HIBCH: variants seen among roughly 807,000 people sequenced by gnomAD.
HIBCH encodes 3-hydroxyisobutyryl-CoA hydrolase.
HIBCH carries 50 observed loss-of-function variants against 58.2 expected under a neutral mutation model. The observed-to-expected ratio is 0.86, with a 90% CI of 0.68 to 1.09. The LOEUF (loss-of-function observed/expected upper bound fraction) is 1.09, where lower values mean the gene tolerates loss of function less well. Ranked by LOEUF, HIBCH falls within the 50% of genes least tolerant of loss-of-function variation. HIBCH has a pLI of 0.00. For synonymous variants in HIBCH, 151 were observed against 146.9 expected (o/e 1.03, Z -0.20); for missense variants, 450 against 449.7 (o/e 1.00, Z -0.01).
At chr2:190,226,711 A>C (rs573363628) in intron 11 of HIBCH, among the ~76,000 whole-genome samples, 2 of 152,122 alleles carry the variant, frequency 1.3e-5, no homozygotes, top group Non-Finnish European at 2.9e-5. Context: ...CCTTAAGCTG[A>C]TAAGCAACTT....
At position 190,312,390 on chromosome 2, in the gene HIBCH, G is replaced by C. The variant is rs113722312; in HGVS notation, c.36-1594C>G. On this transcript the variant is annotated intron_variant, in intron 1 of 13. Coordinates refer to ENST00000359678, the MANE Select transcript of HIBCH (RefSeq NM_014362.4). ...AAGCTAAATTTAAGATCTATGGAAA[G>C]AGGTCAAAGCTAGAATCAGTAGCTG... Among the ~76,000 whole-genome samples, 1,309 of 152,352 alleles carry C rather than the reference G, an allele frequency of 8.6e-3. 8 individuals carry two copies. The highest frequency in any genetic ancestry group is 0.014 in the Non-Finnish European group (945 of 68,036).
rs1688363526 is a variant in HIBCH at position 190,304,906 on chromosome 2, C to G, written c.78+5848G>C. 6.6e-6 allele frequency among the ~76,000 whole-genome samples: 1 copy of G among 152,042 alleles called. No homozygotes were observed. The highest frequency in any genetic ancestry group is 2.1e-4 in the South Asian group (1 of 4,816). On this transcript the variant is annotated intron_variant, in intron 2 of 13. Transcript: ENST00000359678. The surrounding 1 kb of genome is among the most constrained non-coding windows in gnomAD (Gnocchi z 4.1). ...TATCCCTGTGCTGGAATTTATAAGA[C>G]ACAGTATGCTTTAGTAAAAAAAGTG...
chr2:190,280,937 C>T (rs1017358917), intron 6 of HIBCH: 10 of 152,336 alleles, frequency 6.6e-5, no homozygotes, highest in African/African-American at 2.4e-4. Context: ...TTGCCTTGGT[C>T]TCTCACTCTG....
chr2:190,300,111 G>T (rs150114732), intron 2 of HIBCH, among the ~76,000 whole-genome samples: 55 of 152,250 alleles, frequency 3.6e-4, no homozygotes, highest in Non-Finnish European at 5.0e-4. Context: ...CTATTGTGAA[G>T]ATCCTGCAGT....
intron 2 of HIBCH, among the ~76,000 whole-genome samples, chr2:190,299,975 A>G (rs1383314298): frequency 6.6e-6 from 1 of 152,094 alleles, no homozygotes; most frequent in African/African-American, 2.4e-5. Context: ...AGGTCCCTCC[A>G]TGTTCCTGCA....
chr2:190,237,707 G>T (rs1686319839), intron 11 of HIBCH, among the ~76,000 whole-genome samples: 1 of 150,550 alleles, frequency 6.6e-6, no homozygotes, highest in Non-Finnish European at 1.5e-5. Context: ...GAACGTGCAG[G>T]TTTGTTACAT....
chr2:190,284,263 T>C (rs184486298), intron 6 of HIBCH, among the ~76,000 whole-genome samples: 72 of 152,346 alleles, frequency 4.7e-4, no homozygotes, highest in Admixed American at 4.7e-3. Flanking sequence ...TTCTTGGTTG[T>C]TACATATGAG....
rs551288685 is a variant in HIBCH at position 190,210,505 on chromosome 2, G to A, written c.1012-1592C>T. 5.3e-5 allele frequency among the ~76,000 whole-genome samples: 8 copies of A among 152,124 alleles called. No homozygotes were observed. The highest frequency in any genetic ancestry group is 8.8e-5 in the Non-Finnish European group (6 of 68,028). On this transcript the variant is annotated intron_variant, in intron 12 of 13. Coordinates refer to ENST00000359678, the MANE Select transcript of HIBCH (RefSeq NM_014362.4). This position sits in a 1 kb window ranked among gnomAD's most constrained non-coding sequence, Gnocchi z 5.5. The stretch of plus-strand genomic sequence containing the variant: ...TTTATAATATGATCTTACCTATTCA[G>A]TGCTCAACATAGCAGCCTGAGTGAT...
intron 7 of HIBCH, among the ~76,000 whole-genome samples, chr2:190,253,493 T>A (rs923094997): frequency 7.9e-5 from 12 of 152,074 alleles, no homozygotes; most frequent in African/African-American, 2.9e-4. Context: ...CCCGCGCCAG[T>A]CCCACAATCT....
At chr2:190,245,100 A>T in intron 10 of HIBCH, 132 bp from the exon 11 acceptor site, 1 of 691,126 alleles carries the variant, frequency 1.4e-6, no homozygotes, top group Non-Finnish European at 2.7e-6. Flanking sequence ...CTTTAACAGG[A>T]CGTGAAAAGA....
Position 190,296,942 on chromosome 2 carries a change from C to T in HIBCH, c.90G>A (p.Lys30=), listed in dbSNP as rs753871917. The change falls in exon 3 of 14, where the codon AAG becomes AAA. Residue 30 remains lysine (K), a synonymous_variant. Transcript: ENST00000359678. ...GCACCTCTTCTGCTGCATCTGTGTG[C>T]TTGGACATTCTCTGTATAAACAAAG... ...NTILHHLRMS[K]HTDAAEEVLL... The T allele has an allele frequency of 5.0e-6, 8 of 1,613,916 alleles. No individual in the cohort carries two copies. The highest frequency in any genetic ancestry group is 6.8e-6 in the Non-Finnish European group (8 of 1,179,994).
At chr2:190,235,621 C>T (rs1559025854) in intron 11 of HIBCH, among the ~76,000 whole-genome samples, 2 of 152,186 alleles carry the variant, frequency 1.3e-5, no homozygotes, top group East Asian at 3.9e-4. Context: ...ACAATCTGCC[C>T]CCAGTCATCT....
At position 190,206,470 on chromosome 2, in the gene HIBCH, GTTATT is replaced by G. The variant is rs1690394087; in HGVS notation, c.1046-1243_1046-1239del. 6.6e-6 allele frequency among the ~76,000 whole-genome samples: 1 copy of G among 152,110 alleles called. No homozygotes were observed. Among genetic ancestry groups the G allele is most frequent in the Non-Finnish European group, 1.5e-5 (1 of 68,020 alleles). ...AGCAAAGAGACTATTAATCAAATTT[GTTATT>G]TTATTTCAAGCTAACAATTTTTTTA... is the stretch of plus-strand genomic sequence containing the variant. On this transcript the variant is annotated intron_variant, in intron 13 of 13. Transcript: ENST00000359678. The surrounding 1 kb of genome is among the most constrained non-coding windows in gnomAD (Gnocchi z 5.1).
intron 6 of HIBCH, among the ~76,000 whole-genome samples, chr2:190,263,468 C>A (rs973668498): frequency 6.6e-6 from 1 of 152,152 alleles, no homozygotes; most frequent in African/African-American, 2.4e-5. Context: ...TGACCTGCCA[C>A]AATAATTAGA....
At position 190,216,924 on chromosome 2, in the gene HIBCH, G is replaced by T. The variant is rs1463664281; in HGVS notation, c.892-3849C>A. Among the ~76,000 whole-genome samples, 2 of 152,226 alleles carry T rather than the reference G, an allele frequency of 1.3e-5. No individual in the cohort carries two copies. The highest frequency in any genetic ancestry group is 2.9e-5 in the Non-Finnish European group (2 of 68,036). ...ACCCTTTGCAGTTGCTGGGTCACCAGCAGGGGTGGTGTGGAATACAAACAG... is the reference window on the plus strand; with the variant it reads ...ACCCTTTGCAGTTGCTGGGTCACCATCAGGGGTGGTGTGGAATACAAACAG... On this transcript the variant is annotated intron_variant, in intron 11 of 13. Coordinates refer to ENST00000359678, the MANE Select transcript of HIBCH (RefSeq NM_014362.4). The surrounding 1 kb of genome is among the most constrained non-coding windows in gnomAD (Gnocchi z 4.2).
chr2:190,303,327 C>A (rs1434839823), intron 2 of HIBCH, among the ~76,000 whole-genome samples: 1 of 151,924 alleles, frequency 6.6e-6, no homozygotes, highest in African/African-American at 2.4e-5. Flanking sequence ...AAATGCAATT[C>A]TCCAATAAAG....
intron 11 of HIBCH, among the ~76,000 whole-genome samples, chr2:190,226,594 TCAAAAAAAAAAAAAAA>T (rs1250257321): frequency 7.8e-5 from 7 of 89,800 alleles, no homozygotes; most frequent in Admixed American, 3.8e-4. Context: ...AAACTCCGTC[TCAAAAAAAAAAAAAAA>T]AAAAAAAAAA....
chr2:190,198,573 A>G (rs1417212032), intron 1 of HIBCH, among the ~76,000 whole-genome samples: 3 of 144,168 alleles, frequency 2.1e-5, no homozygotes, highest in Non-Finnish European at 4.5e-5. Context: ...TCCAGGCTAC[A>G]GTGAGCCGTG....
At chr2:190,298,762 G>T (rs1688181910) in intron 2 of HIBCH, among the ~76,000 whole-genome samples, 1 of 152,036 alleles carries the variant, frequency 6.6e-6, no homozygotes, top group Non-Finnish European at 1.5e-5. Flanking sequence ...GATCCCATTT[G>T]TCAATTTTGG....
Sources: gnomAD v4.1 joint callset for allele counts (sites outside exome capture counted in the v4.1 genomes callset) on GRCh38, gnomAD v4.1.1 for gene constraint, Gnocchi (gnomAD v3.1) non-coding constraint, MANE v1.5 for transcripts, NCBI Gene and HGNC (gene_info 2026-07-23, HGNC 2026-07-21) for gene names.